Variants in RTEL1 observed in about 807,000 individuals in gnomAD.
RTEL1 encodes regulator of telomere length.
Under a neutral mutation model 162.2 loss-of-function variants are expected in RTEL1, and 86 were observed. The observed-to-expected ratio is 0.53, with a 90% CI of 0.45 to 0.63. The LOEUF is 0.63. RTEL1 is among the 30% of genes least tolerant of loss of function. RTEL1 has a pLI of 0.00. For missense variants in RTEL1, 1,941 were observed against 1,750.2 expected, an observed-to-expected ratio of 1.11 and a Z score of -1.95; for synonymous variants, 958 against 717.9, an observed-to-expected ratio of 1.33 and a Z score of -5.35.
At chr20:63,695,740 G>A (rs372575510) in intron 34 of RTEL1, 38 bp from the exon 35 acceptor site, 18 of 1,594,318 alleles carry the variant, frequency 1.1e-5, no homozygotes, top group African/African-American at 2.7e-5. Flanking sequence ...TGGTGGCAAC[G>A]CCTGGCAGAC....
chr20:63,687,847 C>T, intron 17 of RTEL1, 77 bp downstream of exon 17: 1 of 1,560,968 alleles, frequency 6.4e-7, no homozygotes, highest in Non-Finnish European at 8.7e-7. Context: ...TGGGGGTCCC[C>T]ATGAGCCGGG....
intron 15 of RTEL1, 89 bp from the exon 16 acceptor site, chr20:63,685,701 TG>T: frequency 3.2e-6 from 5 of 1,582,334 alleles, no homozygotes; most frequent in Non-Finnish European, 4.3e-6. Context: ...AGGAGGCAGG[TG>T]GGGCTGGGGG....
At position 63,661,509 on chromosome 20, in the gene RTEL1, C is replaced by T. The variant is rs1334534342; in HGVS notation, c.301+13C>T. The T allele has an allele frequency of 1.2e-6, 2 of 1,604,780 alleles. No individual in the cohort carries two copies. The highest frequency in any genetic ancestry group is 1.7e-5 in the Admixed American group (1 of 59,776). On this transcript the variant is annotated intron_variant, in intron 3 of 34. Transcript: ENST00000360203. The surrounding 1 kb of genome is among the most constrained non-coding windows in gnomAD (Gnocchi z 5.1). ...GGAGACCCCATAGGTGACCCTAGTT[C>T]CCAGGCCTCTCCTGGCCTCCTGTGG...
rs182263609 is a variant in RTEL1 at position 63,679,756 on chromosome 20, C to A, written c.1038-93C>A. ...TACATCTTTGACCAGTGTCGTCCCC[C>A]CTCAGGCCCGAGCCTGCCTTCTTCT... On this transcript the variant is annotated intron_variant, in intron 12 of 34. Transcript: ENST00000360203. The A allele has an allele frequency of 2.8e-5, 26 of 940,702 alleles. No individual in the cohort carries two copies. The East Asian group carries it at 4.8e-4, about 17-fold the overall frequency. 58.3% of individuals were successfully genotyped at this position (940,702 alleles called of 1,614,324 possible).
In RTEL1 at chr20:63,693,474, T is replaced by TCCACCACCACCACCA. The variant is rs1568720089; in HGVS notation, c.2992+196_2992+197insACCACCACCACCACC. ...CACCACCTCCACCTCCACCTCCACCTCCACCTCCACCACCACCTCCACCTC... is the reference window on the plus strand; with the variant it reads ...CACCACCTCCACCTCCACCTCCACCTCCACCACCACCACCACCACCTCCACCACCACCTCCACCTC... On this transcript the variant is annotated intron_variant, in intron 30 of 34. Coordinates refer to ENST00000360203, the MANE Select transcript of RTEL1 (RefSeq NM_001283009.2). Among the ~76,000 whole-genome samples, 2 of 8,562 alleles carry TCCACCACCACCACCA rather than the reference T, an allele frequency of 2.3e-4. 1 individual carries two copies. Among genetic ancestry groups the TCCACCACCACCACCA allele is most frequent in the Non-Finnish European group, 4.7e-4 (2 of 4,240 alleles). The allele number at this position is 8,562 out of a possible 152,430, so 5.6% of individuals were successfully genotyped here. A position where few individuals can be genotyped will look rare whatever the true frequency, so the allele number is the denominator to read the frequency against.
chr20:63,679,559 C>T (rs1175923296), intron 12 of RTEL1, among the ~76,000 whole-genome samples: 1 of 152,156 alleles, frequency 6.6e-6, no homozygotes, highest in Non-Finnish European at 1.5e-5. Context: ...CAGGCCTCCT[C>T]TCCCCACCTG....
chr20:63,667,129 G>C (rs542943862), intron 7 of RTEL1, among the ~76,000 whole-genome samples: 3 of 152,130 alleles, frequency 2.0e-5, no homozygotes, highest in Non-Finnish European at 4.4e-5. Flanking sequence ...GTGAGCCACC[G>C]CGCCCGGCCC....
chr20:63,674,533 C>T (rs1249475822), intron 10 of RTEL1, among the ~76,000 whole-genome samples: 1 of 152,110 alleles, frequency 6.6e-6, no homozygotes, highest in Non-Finnish European at 1.5e-5. Flanking sequence ...CATGGCGGAA[C>T]CTCGCCCCTG....
At position 63,690,302 on chromosome 20, in the gene RTEL1, G is replaced by A. The variant is rs2236506; in HGVS notation, c.2274G>A (p.Ala758=). The change falls in exon 26 of 35, where the codon GCG becomes GCA. Residue 758 remains alanine (A), a synonymous_variant. Transcript: ENST00000360203. ...FFRVAERTMP[A]PAPRATAPSV... is the part of the protein sequence containing the mutation. Reference sequence around the variant, plus strand: ...CCCCCATGGTTCTGCAGATGCCAGCGCCGGCCCCCCGGGCTACAGCACCCA... The same window carrying A: ...CCCCCATGGTTCTGCAGATGCCAGCACCGGCCCCCCGGGCTACAGCACCCA... 0.76 allele frequency: 1,213,852 copies of A among 1,605,792 alleles called. 465,069 individuals carry two copies. The highest frequency in any genetic ancestry group is 0.88 in the African/African-American group (65,906 of 74,886).
At chr20:63,692,718 C>A in intron 28 of RTEL1, 87 bp from the exon 29 acceptor site, 3 of 1,306,948 alleles carry the variant, frequency 2.3e-6, no homozygotes, top group South Asian at 1.3e-5. Flanking sequence ...TCCCAGGGAA[C>A]GCTCAATGTT....
Position 63,661,057 on chromosome 20 carries a change from G to C in RTEL1, c.103-241G>C, listed in dbSNP as rs1200816389. ...TATTTAAGCTGAAAAATAGTGTCGT[G>C]TTTTGGGTAACGTTCTGCAAATCGT... On this transcript the variant is annotated intron_variant, in intron 2 of 34. Transcript: ENST00000360203. This position sits in a 1 kb window ranked among gnomAD's most constrained non-coding sequence, Gnocchi z 5.1. Among the ~76,000 whole-genome samples the C allele has an allele frequency of 6.6e-6, 1 of 152,278 alleles. No individual in the cohort carries two copies. The highest frequency in any genetic ancestry group is 6.5e-5 in the Admixed American group (1 of 15,290).
In RTEL1 at chr20:63,661,605, A is replaced by G. The variant is rs1032266612; in HGVS notation, c.301+109A>G. On this transcript the variant is annotated intron_variant, in intron 3 of 34. Transcript: ENST00000360203. The surrounding 1 kb of genome is among the most constrained non-coding windows in gnomAD (Gnocchi z 5.1). Reference sequence around the variant, plus strand: ...GGACTCCTGCCGTCTCTCAAGCAGAACTCAAGGAGAATTTTTTAGCTGCTG... The same window carrying G: ...GGACTCCTGCCGTCTCTCAAGCAGAGCTCAAGGAGAATTTTTTAGCTGCTG... The G allele has an allele frequency of 9.4e-6, 11 of 1,169,486 alleles. No individual in the cohort carries two copies. The highest frequency in any genetic ancestry group is 1.5e-5 in the African/African-American group (1 of 64,908). The allele number at this position is 1,169,486 out of a possible 1,614,324, so 72.4% of individuals were successfully genotyped here. A position where few individuals can be genotyped will look rare whatever the true frequency, so the allele number is the denominator to read the frequency against.
rs769885188 is a variant in RTEL1, at chr20:63,661,366, G to T, written c.171G>T (p.Leu57=). ...GKTLCLLCTT[L]AWREHLRDGI... ...CGCTGTGCCTGCTGTGCACCACGCT[G>T]GCCTGGCGAGAACACCTCCGAGACG... Residue 57 remains leucine, a synonymous_variant, in exon 3 of 35, where the codon CTG becomes CTT. Transcript: ENST00000360203. The surrounding 1 kb of genome is among the most constrained non-coding windows in gnomAD (Gnocchi z 5.1). 1.5e-5 allele frequency: 24 copies of T among 1,613,536 alleles called. No homozygotes were observed. Among genetic ancestry groups the T allele is most frequent in the Non-Finnish European group, 1.9e-5 (23 of 1,180,044 alleles).
chr20:63,667,472 G>A lies in RTEL1; in HGVS notation c.618G>A (p.Val206=), dbSNP rs181508842. The change falls in exon 8 of 35, where the codon GTG becomes GTA. Residue 206 remains valine, a synonymous_variant. Coordinates refer to ENST00000360203, the MANE Select transcript of RTEL1 (RefSeq NM_001283009.2). ...TCTTCTCCTCTCTCCTTCCCAGGGT[G>A]TGCCCTTACTACCTGTCCCGGAACC... ...DLVKSGSKHR[V]CPYYLSRNLK... 4 of 1,613,142 alleles carry A rather than the reference G, an allele frequency of 2.5e-6. No homozygotes were observed. The highest frequency in any genetic ancestry group is 2.2e-5 in the East Asian group (1 of 44,862).
At position 63,687,975 on chromosome 20, in the gene RTEL1, A is replaced by G. The variant is rs745723707; in HGVS notation, c.1520A>G (p.Asp507Gly). 2 of 1,612,668 alleles carry G rather than the reference A, an allele frequency of 1.2e-6. No individual in the cohort carries two copies. The highest frequency in any genetic ancestry group is 1.1e-5 in the South Asian group (1 of 91,054). The change falls in exon 18 of 35, where the codon GAC becomes GGC. Residue 507 changes from aspartate (D) to glycine (G), a missense_variant. Asp to Gly is a moderately conservative substitution (Grantham distance 94, BLOSUM62 -1). Coordinates refer to ENST00000360203, the MANE Select transcript of RTEL1 (RefSeq NM_001283009.2). ...PVCLENPHII[D>G]KHQIWVGVVP... ...TGCCTGGAGAACCCACACATCATCG[A>G]CAAGCACCAGATCTGGGTGGGGGTC...
At chr20:63,659,885 T>G (rs1028697806) in intron 2 of RTEL1, among the ~76,000 whole-genome samples, 3 of 152,180 alleles carry the variant, frequency 2.0e-5, no homozygotes, top group Non-Finnish European at 4.4e-5. Context: ...ATTTTCACTA[T>G]CTCAGCAAGA....
intron 8 of RTEL1, among the ~76,000 whole-genome samples, chr20:63,670,415 C>T (rs1030954913): frequency 1.3e-5 from 2 of 149,692 alleles, no homozygotes; most frequent in Non-Finnish European, 3.0e-5. Context: ...CAGTTAACCA[C>T]TGGGAGAGCA....
chr20:63,670,731 C>T, intron 8 of RTEL1, among the ~76,000 whole-genome samples: 1 of 151,938 alleles, frequency 6.6e-6, no homozygotes, highest in East Asian at 1.9e-4. Flanking sequence ...CGCCTGTAAT[C>T]CCAGAACTTT....
chr20:63,685,732 AAGGGGCTGCCCCC>A, intron 15 of RTEL1, 46 bp from the exon 16 acceptor site: 1 of 1,590,484 alleles, frequency 6.3e-7, no homozygotes, highest in Non-Finnish European at 8.6e-7. Flanking sequence ...CCTAAAAGGT[AAGGGGCTGCCCCC>A]AGGACATGGG....
Sources: gnomAD v4.1 joint callset for allele counts (sites outside exome capture counted in the v4.1 genomes callset) on GRCh38, gnomAD v4.1.1 for gene constraint, Gnocchi (gnomAD v3.1) non-coding constraint, MANE v1.5 for transcripts, NCBI Gene and HGNC (gene_info 2026-07-23, HGNC 2026-07-21) for gene names.